Variants in OSBPL9 observed in about 807,000 individuals in gnomAD.
OSBPL9 encodes the protein oxysterol-binding protein-related protein 9.
Under a neutral mutation model 106.6 loss-of-function variants are expected in OSBPL9, and 40 were observed. The ratio of observed to expected loss-of-function variants is 0.38; its 90% confidence interval spans 0.29 to 0.49. OSBPL9 has a LOEUF of 0.49. Among genes scored for constraint, OSBPL9 ranks in the 20% least tolerant of loss-of-function variants. The pLI is 0.97. For synonymous variants in OSBPL9, 269 were observed against 295.4 expected (o/e 0.91, Z 0.92); for missense variants, 609 against 887.2 (o/e 0.69, Z 3.98).
chr1:51,711,586 G>A (rs1435666785), intron 3 of OSBPL9, among the ~76,000 whole-genome samples: 1 of 138,526 alleles, frequency 7.2e-6, no homozygotes, highest in African/African-American at 2.9e-5. Context: ...TGGGGTGGCT[G>A]CCGGGCGGAG....
intron 12 of OSBPL9, among the ~76,000 whole-genome samples, chr1:51,767,499 C>T (rs1453955855): frequency 6.6e-6 from 1 of 151,390 alleles, no homozygotes; most frequent in Admixed American, 6.6e-5. Context: ...ACTTCTAATT[C>T]TGCTTTCTCA....
chr1:51,762,094 G>A, intron 11 of OSBPL9, 123 bp downstream of exon 11: 1 of 670,416 alleles, frequency 1.5e-6, no homozygotes, highest in South Asian at 1.9e-5. Context: ...TTGGAGATAT[G>A]TTAGTTTTAA....
At chr1:51,582,184 G>GAATTTATATTGTTATAAATTA in intron 1 of OSBPL9, among the ~76,000 whole-genome samples, 1 of 152,238 alleles carries the variant, frequency 6.6e-6, no homozygotes, top group African/African-American at 2.4e-5. Context: ...AATTTTCCAG[G>GAATTTATATTGTTATAAATTA]TACCTGGAAT....
chr1:51,740,018 T>C (rs1402218763), intron 4 of OSBPL9: 10 of 1,128,624 alleles, frequency 8.9e-6, no homozygotes, highest in Non-Finnish European at 1.3e-5. Flanking sequence ...CACTTGCTGC[T>C]CATGTACCTA....
chr1:51,651,944 C>T, intron 1 of OSBPL9, 47 bp from the exon 2 acceptor site: 1 of 1,440,468 alleles, frequency 6.9e-7, no homozygotes, highest in Non-Finnish European at 9.7e-7. Flanking sequence ...AAACAATTTA[C>T]CAGTCTGTTA....
At chr1:51,646,858 G>C (rs1301834579) in intron 1 of OSBPL9, among the ~76,000 whole-genome samples, 1 of 152,042 alleles carries the variant, frequency 6.6e-6, no homozygotes, top group Non-Finnish European at 1.5e-5. Flanking sequence ...TATATGGAAG[G>C]TTATGTCTTC....
At chr1:51,637,014 C>T (rs932104856) in intron 1 of OSBPL9, among the ~76,000 whole-genome samples, 2 of 152,092 alleles carry the variant, frequency 1.3e-5, no homozygotes, top group Non-Finnish European at 2.9e-5. Context: ...TGATTTTACA[C>T]CCAGCCTTTG....
chr1:51,786,558 G>T lies in OSBPL9; in HGVS notation c.1941G>T (p.Leu647Phe), dbSNP rs779240144. 5 of 1,612,060 alleles carry T rather than the reference G, an allele frequency of 3.1e-6. No individual in the cohort carries two copies. The highest frequency in any genetic ancestry group is 4.2e-6 in the Non-Finnish European group (5 of 1,178,444). Residue 647 changes from leucine to phenylalanine, a missense_variant, in exon 22 of 24, where the codon TTG becomes TTT. By Grantham distance (22) the Leu-to-Phe change is conservative. This residue lies in a region of OSBPL9 where 132 missense variants were observed against 158.1 expected (regional missense o/e 0.83). Coordinates refer to ENST00000428468, the MANE Select transcript of OSBPL9 (RefSeq NM_024586.6). ...CAGTCTTTGTAGATACCAAGAAGTTGCCTATAATCAAGAAGAAAGTGAGGA... is the reference window on the plus strand; with the variant it reads ...CAGTCTTTGTAGATACCAAGAAGTTTCCTATAATCAAGAAGAAAGTGAGGA... ...ENTVFVDTKK[L>F]PIIKKKVRKL...
intron 3 of OSBPL9, chr1:51,669,755 A>G: frequency 1.7e-6 from 1 of 605,612 alleles, no homozygotes; most frequent in Non-Finnish European, 3.1e-6. Context: ...TTAAAGGATA[A>G]AAATCAGTGA....
At chr1:51,622,244 T>G (rs1490724889) in intron 1 of OSBPL9, among the ~76,000 whole-genome samples, 2 of 152,188 alleles carry the variant, frequency 1.3e-5, no homozygotes, top group African/African-American at 2.4e-5. Flanking sequence ...TGTTACAGTC[T>G]GGAGCTTGGG....
At chr1:51,632,446 C>G (rs529873172) in intron 1 of OSBPL9, among the ~76,000 whole-genome samples, 109 of 150,450 alleles carry the variant, frequency 7.2e-4, no homozygotes, top group African/African-American at 2.6e-3. Context: ...GGTCTAACTT[C>G]AAATAGAATG....
intron 17 of OSBPL9, among the ~76,000 whole-genome samples, chr1:51,782,881 T>C (rs1406927538): frequency 6.6e-6 from 1 of 152,214 alleles, no homozygotes; most frequent in African/African-American, 2.4e-5. Context: ...AAACCAACTT[T>C]TAATGCTTCC....
chr1:51,740,714 C>A (rs1359963939), intron 4 of OSBPL9, among the ~76,000 whole-genome samples: 3 of 152,074 alleles, frequency 2.0e-5, no homozygotes, highest in Non-Finnish European at 4.4e-5. Context: ...AACAATTATT[C>A]ATTTGTGAAT....
At chr1:51,731,591 A>G (rs563397114) in intron 4 of OSBPL9, among the ~76,000 whole-genome samples, 34 of 152,246 alleles carry the variant, frequency 2.2e-4, no homozygotes, top group African/African-American at 7.9e-4. Flanking sequence ...AGACTGGCCA[A>G]CATGGTGAAA....
chr1:51,784,154 A>T (rs1395327274), intron 18 of OSBPL9, 110 bp from the exon 19 acceptor site: 1 of 1,399,708 alleles, frequency 7.1e-7, no homozygotes, highest in African/African-American at 1.4e-5. Flanking sequence ...GGAACTAGAT[A>T]GGTTATCCCT....
chr1:51,665,433 T>C (rs1243382351), intron 2 of OSBPL9, among the ~76,000 whole-genome samples: 1 of 152,162 alleles, frequency 6.6e-6, no homozygotes, highest in Non-Finnish European at 1.5e-5. Context: ...CATGAGCCAC[T>C]GCGCCCGGCC....
chr1:51,597,957 G>T (rs537657060), intron 1 of OSBPL9, among the ~76,000 whole-genome samples: 3 of 152,292 alleles, frequency 2.0e-5, no homozygotes, highest in Non-Finnish European at 4.4e-5. Flanking sequence ...GGACCTTTAG[G>T]CAACTAATTT....
the OSBPL9 span, among the ~76,000 whole-genome samples, chr1:51,528,328 G>A: frequency 2.6e-5 from 4 of 152,120 alleles, no homozygotes; most frequent in African/African-American, 9.7e-5. Context: ...AAAGTTGCAA[G>A]ATACAACATT....
rs533526248 is a variant in OSBPL9, at chr1:51,766,718, G to GTACT, written c.938+737_938+738insTACT. ...ATTGCAAGTCTACTTACAGGGAAAT[G>GTACT]GAAGTCCACCTCAAATCTGTCTCTC... On this transcript the variant is annotated intron_variant, in intron 12 of 23. Coordinates refer to ENST00000428468, the MANE Select transcript of OSBPL9 (RefSeq NM_024586.6). Among the ~76,000 whole-genome samples, 971 of 152,292 alleles carry GTACT rather than the reference G, an allele frequency of 6.4e-3. 7 individuals carry two copies. The highest frequency in any genetic ancestry group is 0.011 in the Non-Finnish European group (758 of 68,030).
Sources: gnomAD v4.1 joint callset for allele counts (sites outside exome capture counted in the v4.1 genomes callset) on GRCh38, gnomAD v4.1.1 for gene constraint, gnomAD v4.1.1 regional missense constraint, MANE v1.5 for transcripts, NCBI Gene and HGNC (gene_info 2026-07-23, HGNC 2026-07-21) for gene names.